PPFIA2: variants seen among roughly 807,000 people sequenced by gnomAD.
The protein encoded by PPFIA2 is liprin-alpha-2.
PPFIA2 carries 46 observed loss-of-function variants against 175.5 expected under a neutral mutation model. The observed-to-expected ratio is 0.26, with a 90% CI of 0.21 to 0.34. The LOEUF (loss-of-function observed/expected upper bound fraction) is 0.34. PPFIA2 is among the 10% of genes least tolerant of loss of function. PPFIA2 has a pLI of 1.00. For synonymous variants in PPFIA2, 568 were observed against 511.4 expected, an observed-to-expected ratio of 1.11 and a Z score of -1.49; for missense variants, 1,179 against 1,506.1, an observed-to-expected ratio of 0.78 and a Z score of 3.60.
intron 4 of PPFIA2, among the ~76,000 whole-genome samples, chr12:81,579,425 T>C (rs987485207): frequency 6.6e-6 from 1 of 151,830 alleles, no homozygotes; most frequent in Admixed American, 6.6e-5. Flanking sequence ...AGATAAATCA[T>C]TATTTAGGAA....
chr12:81,695,553 C>T (rs904976400), intron 3 of PPFIA2, among the ~76,000 whole-genome samples: 1 of 152,248 alleles, frequency 6.6e-6, no homozygotes, highest in South Asian at 2.1e-4. Context: ...ACCTACAAAA[C>T]TGTGAGCCAA....
chr12:81,498,337 A>T (rs1474022961), intron 4 of PPFIA2, among the ~76,000 whole-genome samples: 1 of 152,196 alleles, frequency 6.6e-6, no homozygotes, highest in African/African-American at 2.4e-5. Context: ...TTCAGGATAC[A>T]GATGAAATGT....
chr12:81,558,019 T>C (rs780060828), intron 4 of PPFIA2, among the ~76,000 whole-genome samples: 25 of 152,082 alleles, frequency 1.6e-4, no homozygotes, highest in Non-Finnish European at 3.5e-4. Context: ...ACCATTATAA[T>C]AGGGAAAGTA....
intron 28 of PPFIA2, 99 bp from the exon 29 acceptor site, chr12:81,268,186 T>C: frequency 1.1e-6 from 1 of 928,554 alleles, no homozygotes; most frequent in Non-Finnish European, 1.5e-6. Flanking sequence ...TCGCCCAGGC[T>C]GGAGTGCAGT....
chr12:81,443,177 G>T (rs751900638), intron 6 of PPFIA2, among the ~76,000 whole-genome samples: 10 of 151,762 alleles, frequency 6.6e-5, no homozygotes, highest in Non-Finnish European at 1.2e-4. Context: ...CTGGCTGAAA[G>T]CTTTGCATAT....
chr12:81,626,978 C>T (rs2062788016), intron 4 of PPFIA2, among the ~76,000 whole-genome samples: 2 of 151,736 alleles, frequency 1.3e-5, no homozygotes, highest in African/African-American at 4.8e-5. Context: ...TTTTTTGCCT[C>T]AGGTCTCATT....
chr12:81,281,136 G>C (rs1038709267), intron 27 of PPFIA2, 121 bp downstream of exon 27: 49 of 774,836 alleles, frequency 6.3e-5, no homozygotes, highest in Non-Finnish European at 9.1e-5. Context: ...GTATACAAAC[G>C]ATGTTTCAAA....
At chr12:81,672,166 A>G (rs578080918) in intron 4 of PPFIA2, among the ~76,000 whole-genome samples, 58 of 152,122 alleles carry the variant, frequency 3.8e-4, no homozygotes, top group Non-Finnish European at 6.6e-4. Flanking sequence ...ATATAACAAT[A>G]TAAGGTTGAA....
chr12:81,696,525 G>A (rs781428445), intron 3 of PPFIA2, among the ~76,000 whole-genome samples: 1 of 152,078 alleles, frequency 6.6e-6, no homozygotes, highest in Non-Finnish European at 1.5e-5. Flanking sequence ...CACTTATGAA[G>A]GAACCTAGTC....
rs182963872 is a variant in PPFIA2, at chr12:81,646,404, A to C, written c.303+30387T>G. On this transcript the variant is annotated intron_variant, in intron 4 of 32. Coordinates refer to ENST00000549396, the MANE Select transcript of PPFIA2 (RefSeq NM_003625.5). ...GTTTGGTGCAGAGAGCCAGCATAAG[A>C]CTGGGGCTGGAGGAGAACTATGAAG... 2.0e-4 allele frequency among the ~76,000 whole-genome samples: 31 copies of C among 152,208 alleles called. 1 individual carries two copies. The East Asian group carries it at 6.0e-3, about 29-fold the overall frequency.
At chr12:81,443,421 ATAT>A (rs2050598761) in intron 6 of PPFIA2, among the ~76,000 whole-genome samples, 1 of 152,130 alleles carries the variant, frequency 6.6e-6, no homozygotes, top group Non-Finnish European at 1.5e-5. Context: ...GAGTTAATAC[ATAT>A]TATTATAGCT....
chr12:81,355,040 C>G (rs1295092551), intron 16 of PPFIA2, among the ~76,000 whole-genome samples: 3 of 152,082 alleles, frequency 2.0e-5, no homozygotes, highest in Admixed American at 6.6e-5. Context: ...TGGCTTTGCC[C>G]CAATCCATCA....
At chr12:81,278,339 G>C (rs1175853397) in intron 27 of PPFIA2, among the ~76,000 whole-genome samples, 2 of 151,956 alleles carry the variant, frequency 1.3e-5, no homozygotes, top group Non-Finnish European at 2.9e-5. Flanking sequence ...TCAGGAGTTC[G>C]AGACCAGCTT....
At chr12:81,550,801 T>G (rs1303606999) in intron 4 of PPFIA2, among the ~76,000 whole-genome samples, 4 of 151,866 alleles carry the variant, frequency 2.6e-5, no homozygotes, top group South Asian at 2.1e-4. Flanking sequence ...GGAAGACCAG[T>G]GGACTAACGA....
intron 4 of PPFIA2, among the ~76,000 whole-genome samples, chr12:81,626,000 A>C (rs1488186766): frequency 2.0e-5 from 3 of 151,488 alleles, no homozygotes; most frequent in African/African-American, 7.3e-5. Context: ...TTCCTTAAAA[A>C]ACCTCAACCA....
intron 4 of PPFIA2, among the ~76,000 whole-genome samples, chr12:81,507,191 T>C (rs1262648590): frequency 2.0e-5 from 3 of 152,186 alleles, no homozygotes; most frequent in Non-Finnish European, 4.4e-5. Context: ...ACACAAGCTA[T>C]CATTGGTTCA....
rs1459504161 is a variant in PPFIA2 at position 81,642,748 on chromosome 12, T to TG, written c.303+34042_303+34043insC. ...ACATACATGTATATGTATGTATGTA[T>TG]TATATACATACATGTATATGTATGT... On this transcript the variant is annotated intron_variant, in intron 4 of 32. Transcript: ENST00000549396. Among the ~76,000 whole-genome samples the TG allele has an allele frequency of 3.5e-5, 3 of 85,270 alleles. 1 individual carries two copies. The highest frequency in any genetic ancestry group is 7.6e-5 in the Non-Finnish European group (3 of 39,438). The allele number at this position is 85,270 out of a possible 152,430, so 55.9% of individuals were successfully genotyped here.
intron 4 of PPFIA2, among the ~76,000 whole-genome samples, chr12:81,662,784 C>A (rs910219936): frequency 6.6e-6 from 1 of 152,094 alleles, no homozygotes; most frequent in African/African-American, 2.4e-5. Context: ...CCTGATGAAT[C>A]TCAATGCAAA....
intron 4 of PPFIA2, among the ~76,000 whole-genome samples, chr12:81,570,545 C>G (rs1022877844): frequency 6.6e-6 from 1 of 151,904 alleles, no homozygotes; most frequent in South Asian, 2.1e-4. Flanking sequence ...TATTGTGTGT[C>G]TTTTAAGCAA....
Sources: gnomAD v4.1 joint callset for allele counts (sites outside exome capture counted in the v4.1 genomes callset) on GRCh38, gnomAD v4.1.1 for gene constraint, MANE v1.5 for transcripts, NCBI Gene and HGNC (gene_info 2026-07-23, HGNC 2026-07-21) for gene names.